The following RPS6KA6 variants were observed in gnomAD, a reference collection of about 807,000 sequenced individuals.
RPS6KA6 encodes the protein ribosomal protein S6 kinase alpha-6.
A neutral mutation model predicts 65.4 loss-of-function variants in RPS6KA6; 27 were observed. The observed-to-expected ratio is 0.41, with a 90% CI of 0.30 to 0.57. RPS6KA6 has a LOEUF of 0.57. Among genes scored for constraint, RPS6KA6 ranks in the 20% least tolerant of loss-of-function variants. The pLI is 0.24. For synonymous variants in RPS6KA6, 190 were observed against 184.2 expected, an observed-to-expected ratio of 1.03 and a Z score of -0.26; for missense variants, 486 against 555.6, an observed-to-expected ratio of 0.87 and a Z score of 1.26.
At position 84,063,898 on chromosome X, in the gene RPS6KA6, T is replaced by C. The variant is rs1474202258; in HGVS notation, c.*379A>G. ...TGATGTTTAAAAATACTAACATTGC[T>C]TGTCATTATACTATTATATATGTAT... On this transcript the variant is annotated 3_prime_UTR_variant, in exon 22 of 22. Transcript: ENST00000262752. 8.7e-6 allele frequency: 1 copy of C among 115,049 alleles called. No individual in the cohort carries two copies. The highest frequency in any genetic ancestry group is 1.8e-5 in the Non-Finnish European group (1 of 55,464). 9.5% of individuals were successfully genotyped at this position (115,049 alleles called of 1,213,427 possible).
intron 17 of RPS6KA6, among the ~76,000 whole-genome samples, chrX:84,102,598 C>A (rs1258343702): frequency 9.0e-6 from 1 of 110,741 alleles, no homozygotes. Flanking sequence ...CTACTCAACA[C>A]CCCCCTCCTT....
At position 84,133,618 on chromosome X, in the gene RPS6KA6, C is replaced by A. The variant is rs181606812; in HGVS notation, c.646+1164G>T. Among the ~76,000 whole-genome samples the A allele has an allele frequency of 9.8e-4, 109 of 110,990 alleles. 1 individual carries two copies. In the South Asian group the frequency reaches 0.011, roughly 12 times the overall value. ...TAGAGAGAGAAAAATAGGTTTTTTT[C>A]TACTCTTTTTCCCACCTCTCTTTCT... is the stretch of plus-strand genomic sequence containing the variant. On this transcript the variant is annotated intron_variant, in intron 8 of 21. Coordinates refer to ENST00000262752, the MANE Select transcript of RPS6KA6 (RefSeq NM_014496.5).
intron 12 of RPS6KA6, among the ~76,000 whole-genome samples, chrX:84,115,952 G>A (rs915092616): frequency 9.0e-6 from 1 of 111,067 alleles, no homozygotes. Flanking sequence ...TCCAAAAGGG[G>A]AGAAGTTAAA....
chrX:84,108,416 CAATA>C (rs1276001038), intron 12 of RPS6KA6, among the ~76,000 whole-genome samples: 1 of 111,531 alleles, frequency 9.0e-6, no homozygotes, highest in African/African-American at 3.3e-5. Flanking sequence ...ATCAAAATAG[CAATA>C]AATATTGACA....
chrX:84,108,764 C>T (rs1054128984), intron 12 of RPS6KA6, among the ~76,000 whole-genome samples: 8 of 111,746 alleles, frequency 7.2e-5, no homozygotes, highest in Admixed American at 1.9e-4. Flanking sequence ...AGCCTGGCGC[C>T]GGCTGCTGCC....
In RPS6KA6 at chrX:84,060,855, C is replaced by T. The variant is rs183203676; in HGVS notation, c.*3422G>A. 5 of 111,913 alleles carry T rather than the reference C, an allele frequency of 4.5e-5. No homozygotes were observed. The highest frequency in any genetic ancestry group is 6.5e-5 in the African/African-American group (2 of 30,876). The allele number at this position is 111,913 out of a possible 1,213,427, so 9.2% of individuals were successfully genotyped here. A position where few individuals can be genotyped will look rare whatever the true frequency, so the allele number is the denominator to read the frequency against. ...AAAAACTTGATTAATGCACAACTTCCTTAAAAAATGCCAATTAACTATTAG... is the reference window on the plus strand; with the variant it reads ...AAAAACTTGATTAATGCACAACTTCTTTAAAAAATGCCAATTAACTATTAG... On this transcript the variant is annotated 3_prime_UTR_variant, in exon 22 of 22. Coordinates refer to ENST00000262752, the MANE Select transcript of RPS6KA6 (RefSeq NM_014496.5).
intron 20 of RPS6KA6, among the ~76,000 whole-genome samples, chrX:84,093,121 A>G: frequency 8.9e-6 from 1 of 112,229 alleles, no homozygotes; most frequent in Non-Finnish European, 1.9e-5. Context: ...TATATGTGGA[A>G]TCTAAAACAT....
rs1236872520 is a variant in RPS6KA6, at chrX:84,138,824, TG to T, written c.502-3615del. On this transcript the variant is annotated intron_variant, in intron 6 of 21. Coordinates refer to ENST00000262752, the MANE Select transcript of RPS6KA6 (RefSeq NM_014496.5). ...ATTTGTGTGTGTGTGTGTGTGTGTGTGTGTGTGTGTGTGTGTGTACATTCTG... is the reference window on the plus strand; with the variant it reads ...ATTTGTGTGTGTGTGTGTGTGTGTGTTGTGTGTGTGTGTGTGTACATTCTG... 3.6e-5 allele frequency among the ~76,000 whole-genome samples: 4 copies of T among 110,111 alleles called. No homozygotes were observed. In the Admixed American group the frequency reaches 3.9e-4, roughly 11 times the overall value.
intron 2 of RPS6KA6, among the ~76,000 whole-genome samples, chrX:84,160,268 C>T (rs2035489953): frequency 9.0e-6 from 1 of 111,090 alleles, no homozygotes; most frequent in Non-Finnish European, 1.9e-5. Context: ...TCAACCACAA[C>T]CAAAATAGTA....
At position 84,062,752 on chromosome X, in the gene RPS6KA6, T is replaced by A. The variant is rs2033320917; in HGVS notation, c.*1525A>T. ...TTAAATACCAAAGTTACGAGTTTCC[T>A]AGCCTAAATTGTATAATTCAGCACT... On this transcript the variant is annotated 3_prime_UTR_variant, in exon 22 of 22. Transcript: ENST00000262752. 1 of 111,690 alleles carries A rather than the reference T, an allele frequency of 9.0e-6. No homozygotes were observed. 9.2% of individuals were successfully genotyped at this position (111,690 alleles called of 1,213,427 possible).
intron 1 of RPS6KA6, among the ~76,000 whole-genome samples, chrX:84,175,104 C>T (rs1178274210): frequency 9.0e-6 from 1 of 111,256 alleles, no homozygotes; most frequent in Non-Finnish European, 1.9e-5. Context: ...TCAGCTTTTT[C>T]AAAATCACAT....
intron 18 of RPS6KA6, among the ~76,000 whole-genome samples, chrX:84,098,228 A>G (rs1403662402): frequency 9.0e-6 from 1 of 111,409 alleles, no homozygotes; most frequent in African/African-American, 3.2e-5. Context: ...GTAGAACACG[A>G]AGTCTTATTT....
At chrX:84,179,745 C>T (rs886945717) in intron 1 of RPS6KA6, among the ~76,000 whole-genome samples, 2 of 111,580 alleles carry the variant, frequency 1.8e-5, no homozygotes, top group African/African-American at 6.5e-5. Flanking sequence ...TCTTCTCCAT[C>T]TGTAAAATAA....
intron 11 of RPS6KA6, 110 bp downstream of exon 11, chrX:84,116,950 A>G (rs1602423214): frequency 2.1e-6 from 1 of 471,685 alleles, no homozygotes; most frequent in East Asian, 4.1e-5. Flanking sequence ...AAAATGAAAA[A>G]TTCTACGTAT....
intron 8 of RPS6KA6, among the ~76,000 whole-genome samples, chrX:84,129,513 A>G (rs2034857710): frequency 8.9e-6 from 1 of 111,800 alleles, no homozygotes; most frequent in African/African-American, 3.2e-5. Flanking sequence ...CCTAAAAGAA[A>G]GGAAATCAGT....
chrX:84,083,032 C>T (rs1053506046), intron 20 of RPS6KA6, among the ~76,000 whole-genome samples: 5 of 112,042 alleles, frequency 4.5e-5, no homozygotes, highest in Admixed American at 1.9e-4. Context: ...AGGACATAGG[C>T]ATGGGCAACT....
chrX:84,105,212 A>G (rs2034335248), intron 16 of RPS6KA6, among the ~76,000 whole-genome samples: 2 of 110,998 alleles, frequency 1.8e-5, no homozygotes, highest in South Asian at 7.5e-4. Context: ...TAAAGATTAC[A>G]AATCAAAGTG....
At position 84,059,955 on chromosome X, in the gene RPS6KA6, A is replaced by C. The variant is rs972536080; in HGVS notation, c.*4322T>G. On this transcript the variant is annotated 3_prime_UTR_variant, in exon 22 of 22. Coordinates refer to ENST00000262752, the MANE Select transcript of RPS6KA6 (RefSeq NM_014496.5). ...TTTTCTAAATATTTCAAAGAAACTT[A>C]TGTCTATAATTTAATATATTCAAGT... 3.6e-5 allele frequency: 4 copies of C among 112,206 alleles called. No homozygotes were observed. The highest frequency in any genetic ancestry group is 4.2e-3 in the Middle Eastern group (1 of 240). 9.2% of individuals were successfully genotyped at this position (112,206 alleles called of 1,213,427 possible). A position where few individuals can be genotyped will look rare whatever the true frequency, so the allele number is the denominator to read the frequency against.
chrX:84,158,425 T>C (rs1026401342), intron 2 of RPS6KA6, among the ~76,000 whole-genome samples: 14 of 110,701 alleles, frequency 1.3e-4, no homozygotes, highest in Non-Finnish European at 1.3e-4. Flanking sequence ...ACAAAAAATA[T>C]ATATACCCAC....
Sources: gnomAD v4.1 joint callset for allele counts (sites outside exome capture counted in the v4.1 genomes callset) on GRCh38, gnomAD v4.1.1 for gene constraint, MANE v1.5 for transcripts, NCBI Gene and HGNC (gene_info 2026-07-23, HGNC 2026-07-21) for gene names.